RPGR: variants seen among roughly 807,000 people sequenced by gnomAD.
RPGR encodes X-linked retinitis pigmentosa GTPase regulator.
RPGR carries 10 observed loss-of-function variants against 56.3 expected under a neutral mutation model. That is an observed-to-expected ratio of 0.18 (90% CI 0.11 to 0.30). RPGR has a LOEUF of 0.30. Among genes scored for constraint, RPGR ranks in the 10% least tolerant of loss-of-function variants. RPGR has a pLI of 1.00. For missense variants in RPGR, 538 were observed against 590.9 expected (o/e 0.91, Z 0.93); for synonymous variants, 197 against 212.9 (o/e 0.93, Z 0.65).
At chrX:38,283,831 CT>C (rs2067076814) in intron 15 of RPGR, among the ~76,000 whole-genome samples, 1 of 111,346 alleles carries the variant, frequency 9.0e-6, no homozygotes, top group Non-Finnish European at 1.9e-5. Context: ...AGGTTTTTTT[CT>C]TTATGAATTC....
chrX:38,283,594 C>G (rs1248458583), intron 15 of RPGR, among the ~76,000 whole-genome samples: 1 of 112,149 alleles, frequency 8.9e-6, no homozygotes, highest in Non-Finnish European at 1.9e-5. Flanking sequence ...CACTAGAAAA[C>G]AATGCTTGCA....
At chrX:38,321,141 T>C (rs2067931977) in intron 3 of RPGR, 52 bp from the exon 4 acceptor site, 4 of 904,474 alleles carry the variant, frequency 4.4e-6, no homozygotes, top group Non-Finnish European at 6.5e-6. Flanking sequence ...AAATGAACAG[T>C]AGTCCAGGAC....
chrX:38,320,096 AAC>A (rs1327875811), intron 4 of RPGR, among the ~76,000 whole-genome samples: 2 of 112,026 alleles, frequency 1.8e-5, no homozygotes, highest in Non-Finnish European at 3.8e-5. Flanking sequence ...CAAATAAATG[AAC>A]ACACAGTCAC....
At chrX:38,299,216 G>C (rs914651404) in intron 9 of RPGR, 75 bp from the exon 10 acceptor site, 3 of 1,051,435 alleles carry the variant, frequency 2.9e-6, no homozygotes, top group Non-Finnish European at 2.6e-6. Flanking sequence ...GTTATCAGCT[G>C]TAAGACATTT....
At chrX:38,280,872 A>T (rs115901652) in intron 15 of RPGR, among the ~76,000 whole-genome samples, 6,830 of 111,141 alleles carry the variant, frequency 0.061, 398 homozygotes, top group African/African-American at 0.19. Context: ...TGACATTTCA[A>T]TGTTGGCAAC....
intron 5 of RPGR, 107 bp from the exon 6 acceptor site, chrX:38,317,572 G>T: frequency 1.4e-6 from 1 of 695,066 alleles, no homozygotes; most frequent in Non-Finnish European, 2.1e-6. Flanking sequence ...TAAAAATTAT[G>T]TATCTTAACA....
rs113191189 is a variant in RPGR, at chrX:38,296,574, T to C, written c.1414+710A>G. Among the ~76,000 whole-genome samples the C allele has an allele frequency of 6.6e-4, 74 of 111,612 alleles. 1 individual carries two copies. Among genetic ancestry groups the C allele is most frequent in the African/African-American group, 2.3e-3 (72 of 30,731 alleles). ...TCTAATAGGTAGTGACGCAAAGGTA[T>C]TAATATTAATCATAACAACATTTAC... On this transcript the variant is annotated intron_variant, in intron 11 of 18. Transcript: ENST00000642395.
chrX:38,301,402 A>T (rs1411022236), intron 8 of RPGR, 31 bp from the exon 9 acceptor site: 1 of 1,151,219 alleles, frequency 8.7e-7, no homozygotes, highest in Non-Finnish European at 1.2e-6. Flanking sequence ...AGAGAATTAT[A>T]AAAGTGTTAC....
chrX:38,276,691 T>G lies in RPGR; in HGVS notation c.1987A>C (p.Lys663Gln). 1.7e-6 allele frequency: 2 copies of G among 1,210,204 alleles called. No homozygotes were observed. Among genetic ancestry groups the G allele is most frequent in the Non-Finnish European group, 2.2e-6 (2 of 894,099 alleles). Reference sequence around the variant, plus strand: ...CTTTCATCATCTCCCACAGTTTTCTTCTTGCTTTCCACATTTTCAGCATTA... The same window carrying G: ...CTTTCATCATCTCCCACAGTTTTCTGCTTGCTTTCCACATTTTCAGCATTA... The change falls in exon 16 of 19, where the codon AAG becomes CAG. Residue 663 changes from lysine to glutamine, a missense_variant. Lys to Gln is a moderately conservative substitution (Grantham distance 53). Around this residue, in one of 2 missense-constraint regions of RPGR, gnomAD observed 357 missense variants for 325.8 expected, o/e 1.10. Coordinates refer to ENST00000642395, the MANE Select transcript of RPGR (RefSeq NM_000328.3).
At chrX:38,327,051 C>G in intron 1 of RPGR, 1 of 312,194 alleles carries the variant, frequency 3.2e-6, no homozygotes. Context: ...GAGTGAAACT[C>G]CGTCTCATAA....
At position 38,269,845 on chromosome X, in the gene RPGR, C is replaced by T. The variant is rs969478026; in HGVS notation, c.2242-13G>A. The T allele has an allele frequency of 9.1e-7, 1 of 1,101,051 alleles. No homozygotes were observed. The highest frequency in any genetic ancestry group is 1.8e-5 in the African/African-American group (1 of 54,986). The allele number at this position is 1,101,051 out of a possible 1,213,427, so 90.7% of individuals were successfully genotyped here. On this transcript the variant is annotated splice_polypyrimidine_tract_variant and intron_variant, in intron 18 of 18. Transcript: ENST00000642395. ...TGAACAGAAAAATCTAGGAAAAAAA[C>T]CACACACACAAATATTCATTTCCAT...
intron 15 of RPGR, among the ~76,000 whole-genome samples, chrX:38,277,600 T>G (rs900278645): frequency 8.9e-6 from 1 of 111,798 alleles, no homozygotes; most frequent in Admixed American, 9.5e-5. Context: ...CTTTATAGTT[T>G]ATTATAATTA....
chrX:38,289,273 T>G (rs1013462389), intron 13 of RPGR, among the ~76,000 whole-genome samples: 1 of 112,232 alleles, frequency 8.9e-6, no homozygotes, highest in Non-Finnish European at 1.9e-5. Context: ...AGTTTTCAAA[T>G]TTTTGACCTT....
intron 15 of RPGR, chrX:38,285,765 T>G: frequency 8.3e-7 from 1 of 1,211,153 alleles, no homozygotes. Context: ...CATCCTGCCT[T>G]TCATTCTCTT....
At chrX:38,288,757 T>C (rs1183725769) in intron 13 of RPGR, among the ~76,000 whole-genome samples, 1 of 111,648 alleles carries the variant, frequency 9.0e-6, no homozygotes, top group Admixed American at 9.5e-5. Flanking sequence ...AGTATATTTT[T>C]CCCACTTTCC....
intron 11 of RPGR, 118 bp downstream of exon 11, chrX:38,297,166 G>A: frequency 1.3e-6 from 1 of 760,158 alleles, no homozygotes; most frequent in Non-Finnish European, 2.0e-6. Flanking sequence ...GTGATGTTAG[G>A]CTCTAACCAG....
In RPGR at chrX:38,273,568, T is replaced by C. The variant is rs2066879423; in HGVS notation, c.2150-91A>G. 15 of 657,399 alleles carry C rather than the reference T, an allele frequency of 2.3e-5. No homozygotes were observed. In the South Asian group the frequency reaches 3.7e-4, roughly 16 times the overall value. 54.2% of individuals were successfully genotyped at this position (657,399 alleles called of 1,213,427 possible). A position where few individuals can be genotyped will look rare whatever the true frequency, so the allele number is the denominator to read the frequency against. On this transcript the variant is annotated intron_variant, in intron 17 of 18. Transcript: ENST00000642395. Reference sequence around the variant, plus strand: ...CAGTGAAACTCTATGAACCCTGAGTTGTGGGGTAATACGAAAAGAGCTCAC... The same window carrying C: ...CAGTGAAACTCTATGAACCCTGAGTCGTGGGGTAATACGAAAAGAGCTCAC...
At chrX:38,308,144 C>T (rs1043182757) in intron 7 of RPGR, 2 of 111,565 alleles carry the variant, frequency 1.8e-5, no homozygotes, top group African/African-American at 6.5e-5. Flanking sequence ...TTGGCTGCCA[C>T]AATCAGAAAG....
In RPGR at chrX:38,276,661, G is replaced by A. The variant is rs1351034416; in HGVS notation, c.2017C>T (p.Pro673Ser). 4.1e-6 allele frequency: 5 copies of A among 1,208,211 alleles called. No individual in the cohort carries two copies. In the African/African-American group the frequency reaches 8.8e-5, roughly 21 times the overall value. ...TCTGTTTTACTGTGATAACCTGTAGGAACACTTTCATCATCTCCCACAGTT... is the reference window on the plus strand; with the variant it reads ...TCTGTTTTACTGTGATAACCTGTAGAAACACTTTCATCATCTCCCACAGTT... The change falls in exon 16 of 19, where the codon CCT (proline) becomes TCT (serine). Residue 673 changes from proline (P) to serine (S), a missense_variant. This residue lies in a region of RPGR where 357 missense variants were observed against 325.8 expected (regional missense o/e 1.10). Coordinates refer to ENST00000642395, the MANE Select transcript of RPGR (RefSeq NM_000328.3).
Sources: gnomAD v4.1 joint callset for allele counts (sites outside exome capture counted in the v4.1 genomes callset) on GRCh38, gnomAD v4.1.1 for gene constraint, gnomAD v4.1.1 regional missense constraint, MANE v1.5 for transcripts, NCBI Gene and HGNC (gene_info 2026-07-23, HGNC 2026-07-21) for gene names.